The following NFATC3 variants were observed in gnomAD, a reference collection of about 807,000 sequenced individuals.
NFATC3 encodes nuclear factor of activated T cells 3.
NFATC3 carries 46 observed loss-of-function variants against 98.6 expected under a neutral mutation model. The ratio of observed to expected loss-of-function variants is 0.47; its 90% CI spans 0.37 to 0.60. The LOEUF is 0.60. Ranked by LOEUF, NFATC3 falls within the 20% of genes least tolerant of loss-of-function variation. NFATC3 has a pLI of 0.00. For missense variants in NFATC3, 1,256 were observed against 1,295.5 expected (o/e 0.97, Z 0.47); for synonymous variants, 512 against 472.2 (o/e 1.08, Z -1.09).
chr16:68,201,280 G>GA (rs1177496418), intron 9 of NFATC3, among the ~76,000 whole-genome samples: 2 of 151,958 alleles, frequency 1.3e-5, no homozygotes, highest in Non-Finnish European at 2.9e-5. Flanking sequence ...GCACAGGCTG[G>GA]AGTGCAGTGG....
intron 4 of NFATC3, among the ~76,000 whole-genome samples, chr16:68,163,693 C>T (rs953618423): frequency 2.0e-5 from 3 of 148,338 alleles, no homozygotes; most frequent in African/African-American, 7.4e-5. Context: ...GACGGGGCGG[C>T]CGGGCAGAGA....
At chr16:68,173,428 A>G (rs1056240383) in intron 5 of NFATC3, among the ~76,000 whole-genome samples, 3 of 152,060 alleles carry the variant, frequency 2.0e-5, no homozygotes, top group Non-Finnish European at 4.4e-5. Flanking sequence ...TTAGCCGGGT[A>G]TGGTGGCACA....
intron 4 of NFATC3, among the ~76,000 whole-genome samples, chr16:68,164,655 G>A (rs2039101105): frequency 6.6e-6 from 1 of 151,968 alleles, no homozygotes; most frequent in African/African-American, 2.4e-5. Context: ...TGAGGTGGGC[G>A]GATCACGAGA....
chr16:68,181,618 T>C, intron 7 of NFATC3, 88 bp downstream of exon 7: 1 of 990,558 alleles, frequency 1.0e-6, no homozygotes, highest in South Asian at 1.4e-5. Flanking sequence ...GATGACTCTT[T>C]TGTATATTGA....
At chr16:68,216,616 C>T (rs1034736492) in intron 9 of NFATC3, among the ~76,000 whole-genome samples, 1 of 151,956 alleles carries the variant, frequency 6.6e-6, no homozygotes, top group African/African-American at 2.4e-5. Context: ...ACTGCAACCT[C>T]CGCCTCCCAG....
In NFATC3 at chr16:68,126,589, T is replaced by C. The variant is rs200117270; in HGVS notation, c.1380T>C (p.Thr460=). Reference sequence around the variant, plus strand: ...GCCGAGGGGCAGTAAAAGCATCTACTGGGGGACATCCTGTTGTGAAGGTAT... The same window carrying C: ...GCCGAGGGGCAGTAAAAGCATCTACCGGGGGACATCCTGTTGTGAAGGTAT... ...EGSRGAVKAS[T]GGHPVVKLLG... is the part of the protein sequence containing the mutation. Residue 460 remains threonine (T), a synonymous_variant, in exon 3 of 10, where the codon ACT becomes ACC. Coordinates refer to ENST00000346183, the MANE Select transcript of NFATC3 (RefSeq NM_173165.3). 11 of 1,614,132 alleles carry C rather than the reference T, an allele frequency of 6.8e-6. No homozygotes were observed. The East Asian group carries it at 1.3e-4, about 20-fold the overall frequency.
intron 5 of NFATC3, 146 bp from the exon 6 acceptor site, chr16:68,174,228 A>G: frequency 2.0e-6 from 1 of 495,622 alleles, no homozygotes; most frequent in Non-Finnish European, 3.3e-6. Flanking sequence ...TTTTGTTGCC[A>G]TTGTCTTGAA....
intron 3 of NFATC3, among the ~76,000 whole-genome samples, chr16:68,140,463 A>G (rs1368590868): frequency 6.6e-6 from 1 of 152,212 alleles, no homozygotes; most frequent in African/African-American, 2.4e-5. Flanking sequence ...TTTAAATTAA[A>G]CTGAAATTAA....
intron 1 of NFATC3, among the ~76,000 whole-genome samples, chr16:68,095,770 G>T (rs1166614890): frequency 2.0e-5 from 3 of 152,132 alleles, no homozygotes; most frequent in Admixed American, 2.0e-4. Context: ...GTTGATAGAG[G>T]TGCCAAGAAA....
intron 3 of NFATC3, among the ~76,000 whole-genome samples, chr16:68,146,620 T>G (rs958854249): frequency 6.6e-6 from 1 of 152,250 alleles, no homozygotes; most frequent in African/African-American, 2.4e-5. Context: ...TACAATGTGT[T>G]GTCATGGGTC....
At chr16:68,159,499 C>T (rs1053628839) in intron 4 of NFATC3, among the ~76,000 whole-genome samples, 16 of 150,560 alleles carry the variant, frequency 1.1e-4, no homozygotes, top group Non-Finnish European at 1.5e-4. Flanking sequence ...TCTCGGCTCA[C>T]GCAAGCTCCG....
chr16:68,109,178 T>TTTGC (rs1423740963), intron 1 of NFATC3, among the ~76,000 whole-genome samples: 6 of 152,206 alleles, frequency 3.9e-5, no homozygotes, highest in African/African-American at 1.4e-4. Flanking sequence ...ACTGTCAGCT[T>TTTGC]TTGCGTATCC....
chr16:68,092,970 T>G (rs1279330934), intron 1 of NFATC3, among the ~76,000 whole-genome samples: 1 of 152,202 alleles, frequency 6.6e-6, no homozygotes, highest in East Asian at 1.9e-4. Flanking sequence ...ATTAATAGTT[T>G]TCTCTTCGTA....
intron 2 of NFATC3, among the ~76,000 whole-genome samples, chr16:68,125,715 A>G (rs1382473798): frequency 6.6e-6 from 1 of 152,180 alleles, no homozygotes; most frequent in African/African-American, 2.4e-5. Flanking sequence ...CATAAACAGA[A>G]ATGTGCCTCT....
intron 9 of NFATC3, chr16:68,214,442 G>C: frequency 6.2e-7 from 1 of 1,609,462 alleles, no homozygotes. Context: ...GGTGAGTGTT[G>C]ATTGAAATGT....
chr16:68,177,032 C>CTTTTTTTTTTTTT (rs548092276), intron 6 of NFATC3, among the ~76,000 whole-genome samples: 1 of 133,110 alleles, frequency 7.5e-6, no homozygotes, highest in Non-Finnish European at 1.6e-5. Flanking sequence ...CTTTTCTTTT[C>CTTTTTTTTTTTTT]TTTTTTTTTT....
chr16:68,133,723 T>C (rs768672818), intron 3 of NFATC3, among the ~76,000 whole-genome samples: 1 of 152,206 alleles, frequency 6.6e-6, no homozygotes, highest in African/African-American at 2.4e-5. Flanking sequence ...ACATTATGAT[T>C]GTGGGATTCA....
intron 3 of NFATC3, among the ~76,000 whole-genome samples, chr16:68,141,214 G>A (rs577617505): frequency 6.6e-6 from 1 of 152,192 alleles, no homozygotes; most frequent in African/African-American, 2.4e-5. Context: ...TGGCTGATGG[G>A]CATTTAGGTT....
chr16:68,155,667 A>G (rs1418090835), intron 3 of NFATC3, among the ~76,000 whole-genome samples: 1 of 151,420 alleles, frequency 6.6e-6, no homozygotes, highest in Non-Finnish European at 1.5e-5. Flanking sequence ...AGCCAGTGCT[A>G]TACTGAATCA....
Sources: gnomAD v4.1 joint callset for allele counts (sites outside exome capture counted in the v4.1 genomes callset) on GRCh38, gnomAD v4.1.1 for gene constraint, MANE v1.5 for transcripts, NCBI Gene and HGNC (gene_info 2026-07-23, HGNC 2026-07-21) for gene names.